The following TSHZ2 variants were observed in gnomAD, a reference collection of about 807,000 sequenced individuals.
TSHZ2 encodes the protein teashirt zinc finger homeobox 2.
Under a neutral mutation model 74.4 loss-of-function variants are expected in TSHZ2, and 21 were observed. That is an observed-to-expected ratio of 0.28 (90% confidence interval 0.20 to 0.41). The LOEUF is 0.41. Among genes scored for constraint, TSHZ2 ranks in the 10% least tolerant of loss-of-function variants. The pLI is 1.00. For synonymous variants in TSHZ2, 540 were observed against 515.3 expected (o/e 1.05, Z -0.65); for missense variants, 1,244 against 1,293.5 (o/e 0.96, Z 0.59).
At chr20:53,425,874 G>A (rs1983636339) in intron 2 of TSHZ2, among the ~76,000 whole-genome samples, 1 of 151,710 alleles carries the variant, frequency 6.6e-6, no homozygotes. Context: ...ACAGGTAGCA[G>A]GCTGAATTTG....
intron 2 of TSHZ2, among the ~76,000 whole-genome samples, chr20:53,459,980 G>T (rs868754957): frequency 2.6e-4 from 40 of 152,154 alleles, no homozygotes; most frequent in Middle Eastern, 3.4e-3. Flanking sequence ...CTCTCTGGCT[G>T]CCCTTAACAT....
At chr20:53,471,937 C>T (rs1334834916) in intron 2 of TSHZ2, among the ~76,000 whole-genome samples, 1 of 151,622 alleles carries the variant, frequency 6.6e-6, no homozygotes, top group Non-Finnish European at 1.5e-5. Context: ...TCCCGAGTAG[C>T]TGAGATTACA....
At chr20:53,001,230 G>GTGTGTATGTGTGTGTGTGTA (rs755040371) in intron 1 of TSHZ2, among the ~76,000 whole-genome samples, 2 of 126,112 alleles carry the variant, frequency 1.6e-5, no homozygotes, top group Admixed American at 8.0e-5. Context: ...GTGTGTGTGT[G>GTGTGTATGTGTGTGTGTGTA]TGTGTGTGTG....
chr20:53,458,168 G>T (rs1324250593), intron 2 of TSHZ2, among the ~76,000 whole-genome samples: 1 of 149,398 alleles, frequency 6.7e-6, no homozygotes, highest in Admixed American at 6.7e-5. Flanking sequence ...GGTAGAATTC[G>T]GCTGTGAATC....
chr20:52,990,899 C>T (rs943443128), intron 1 of TSHZ2, among the ~76,000 whole-genome samples: 4 of 152,138 alleles, frequency 2.6e-5, no homozygotes, highest in South Asian at 2.1e-4. Flanking sequence ...ATTACCTCTG[C>T]GTATTGAGAA....
intron 2 of TSHZ2, among the ~76,000 whole-genome samples, chr20:53,372,748 C>CA (rs1451030430): frequency 7.2e-5 from 11 of 152,160 alleles, no homozygotes; most frequent in Non-Finnish European, 1.5e-5. Context: ...GTCTTAGTGG[C>CA]AAAATGGTTT....
chr20:53,434,903 C>T (rs906623081), intron 2 of TSHZ2, among the ~76,000 whole-genome samples: 2 of 152,214 alleles, frequency 1.3e-5, no homozygotes, highest in Non-Finnish European at 2.9e-5. Flanking sequence ...GCTCCTCGAG[C>T]GTGTTTGTTC....
intron 1 of TSHZ2, among the ~76,000 whole-genome samples, chr20:53,110,602 G>A (rs937560472): frequency 1.3e-5 from 2 of 152,186 alleles, no homozygotes; most frequent in African/African-American, 4.8e-5. Flanking sequence ...AACAAGGAAG[G>A]CAGGCCAACG....
At chr20:53,021,337 A>T (rs940877875) in intron 1 of TSHZ2, among the ~76,000 whole-genome samples, 2 of 152,168 alleles carry the variant, frequency 1.3e-5, no homozygotes, top group African/African-American at 4.8e-5. Flanking sequence ...GACCTACTGA[A>T]TCAGAAACCA....
At chr20:53,006,760 C>G (rs1191448284) in intron 1 of TSHZ2, among the ~76,000 whole-genome samples, 1 of 152,152 alleles carries the variant, frequency 6.6e-6, no homozygotes, top group Non-Finnish European at 1.5e-5. Context: ...TCTTTCACAT[C>G]ATTTTCTTTG....
rs1224270879 is a variant in TSHZ2 at position 53,255,686 on chromosome 20, G to A, written c.2228G>A (p.Ser743Asn). ...NLNVMDKPVLSPASTRSASVS... is the reference protein window; with the variant it reads ...NLNVMDKPVLNPASTRSASVS... ...AATGTCATGGACAAGCCGGTCTTGA[G>A]TCCTGCCTCCACAAGGTCAGCCAGC... Residue 743 changes from serine to asparagine, a missense_variant, in exon 2 of 3, where the codon AGT becomes AAT. Ser to Asn is a conservative substitution (Grantham distance 46, BLOSUM62 1). Around this residue, in one of 6 missense-constraint regions of TSHZ2, gnomAD observed 562 missense variants for 544.0 expected, o/e 1.03. Transcript: ENST00000371497. This position sits in a 1 kb window ranked among gnomAD's most constrained non-coding sequence, Gnocchi z 4.1. 4 of 1,592,506 alleles carry A rather than the reference G, an allele frequency of 2.5e-6. No homozygotes were observed. In the Admixed American group the frequency reaches 7.0e-5, roughly 28 times the overall value.
chr20:53,363,573 AT>A (rs1981146080), intron 2 of TSHZ2, among the ~76,000 whole-genome samples: 1 of 152,168 alleles, frequency 6.6e-6, no homozygotes, highest in African/African-American at 2.4e-5. Context: ...TCTCCAGGGG[AT>A]GCAGAGGAGA....
At chr20:53,300,847 G>GAC in intron 2 of TSHZ2, among the ~76,000 whole-genome samples, 1 of 152,310 alleles carries the variant, frequency 6.6e-6, no homozygotes, top group South Asian at 2.1e-4. Context: ...TTGGCAATGT[G>GAC]TTTCCTTTTT....
chr20:52,974,903 T>A (rs1173220595), intron 1 of TSHZ2, among the ~76,000 whole-genome samples: 1 of 152,224 alleles, frequency 6.6e-6, no homozygotes, highest in Admixed American at 6.5e-5. Context: ...AAAAGCAAAA[T>A]AATTAAAATA....
intron 1 of TSHZ2, among the ~76,000 whole-genome samples, chr20:53,221,035 A>T (rs1282925079): frequency 6.6e-6 from 1 of 152,202 alleles, no homozygotes; most frequent in African/African-American, 2.4e-5. Flanking sequence ...GGAGGGACCC[A>T]GTAGGAGATA....
At chr20:53,386,659 C>T (rs1047645818) in intron 2 of TSHZ2, among the ~76,000 whole-genome samples, 2 of 152,112 alleles carry the variant, frequency 1.3e-5, no homozygotes, top group African/African-American at 2.4e-5. Context: ...TTTGGGGTAC[C>T]GGGAGTTTGC....
chr20:53,030,559 G>A (rs1479820168), intron 1 of TSHZ2, among the ~76,000 whole-genome samples: 5 of 152,140 alleles, frequency 3.3e-5, no homozygotes, highest in Non-Finnish European at 7.4e-5. Flanking sequence ...TTTATAATGA[G>A]GGCATCAATT....
At chr20:53,174,466 T>C (rs187414242) in intron 1 of TSHZ2, among the ~76,000 whole-genome samples, 84 of 152,306 alleles carry the variant, frequency 5.5e-4, no homozygotes, top group Admixed American at 1.2e-3. Flanking sequence ...TTTAATTAAA[T>C]TGGGGCCAGT....
At chr20:53,242,180 C>T (rs931678865) in intron 1 of TSHZ2, among the ~76,000 whole-genome samples, 4 of 152,082 alleles carry the variant, frequency 2.6e-5, no homozygotes, top group Non-Finnish European at 2.9e-5. Flanking sequence ...TGAGTAAGGA[C>T]CGTCCTGTGC....
Sources: gnomAD v4.1 joint callset for allele counts (sites outside exome capture counted in the v4.1 genomes callset) on GRCh38, gnomAD v4.1.1 for gene constraint, gnomAD v4.1.1 regional missense constraint, Gnocchi (gnomAD v3.1) non-coding constraint, MANE v1.5 for transcripts, NCBI Gene and HGNC (gene_info 2026-07-23, HGNC 2026-07-21) for gene names.